The following NTM variants were observed in gnomAD, a reference collection of about 807,000 sequenced individuals.
The protein encoded by NTM is IgLON family member 2.
Under a neutral mutation model 42.1 loss-of-function variants are expected in NTM, and 13 were observed. That is an observed-to-expected ratio of 0.31 (90% CI 0.20 to 0.49). NTM has a LOEUF of 0.49. Ranked by LOEUF, NTM falls within the 20% of genes least tolerant of loss-of-function variation. NTM has a pLI of 0.99. For synonymous variants in NTM, 187 were observed against 179.2 expected (o/e 1.04, Z -0.35); for missense variants, 373 against 452.8 (o/e 0.82, Z 1.60).
chr11:131,753,580 A>T (rs1414736515), intron 1 of NTM, among the ~76,000 whole-genome samples: 6 of 145,208 alleles, frequency 4.1e-5, no homozygotes, highest in East Asian at 2.0e-4. Flanking sequence ...TGATGAGTTC[A>T]TGTCCTTTGT....
chr11:131,990,633 A>G (rs1455588314), intron 2 of NTM, among the ~76,000 whole-genome samples: 1 of 152,114 alleles, frequency 6.6e-6, no homozygotes, highest in South Asian at 2.1e-4. Context: ...CAAATCAGGA[A>G]TTAGTTCTGA....
chr11:131,672,915 G>A (rs112940156), intron 1 of NTM, among the ~76,000 whole-genome samples: 15 of 94,836 alleles, frequency 1.6e-4, no homozygotes, highest in Non-Finnish European at 2.2e-4. Context: ...GTGCCGGGGT[G>A]GGGGTGGGGT....
chr11:132,288,723 G>A (rs571230058), intron 4 of NTM, among the ~76,000 whole-genome samples: 2 of 152,172 alleles, frequency 1.3e-5, no homozygotes, highest in East Asian at 1.9e-4. Flanking sequence ...GGGTTCAAGC[G>A]ATTGTCCTGC....
intron 1 of NTM, among the ~76,000 whole-genome samples, chr11:131,878,661 C>T (rs1056326652): frequency 7.8e-6 from 1 of 128,354 alleles, no homozygotes; most frequent in African/African-American, 3.0e-5. Flanking sequence ...GTTCATACAG[C>T]ACTTTACAGC....
intron 4 of NTM, among the ~76,000 whole-genome samples, chr11:132,246,899 C>G (rs965313619): frequency 2.0e-5 from 3 of 152,236 alleles, no homozygotes; most frequent in Non-Finnish European, 2.9e-5. Context: ...TAGCCCCAGG[C>G]TCATTCCCTG....
intron 1 of NTM, among the ~76,000 whole-genome samples, chr11:131,403,941 A>G (rs954653078): frequency 1.3e-5 from 2 of 152,118 alleles, no homozygotes; most frequent in Non-Finnish European, 2.9e-5. Context: ...CCCCTCAAGG[A>G]TTTCAATCCT....
chr11:132,203,017 A>G (rs1377751908), intron 3 of NTM, among the ~76,000 whole-genome samples: 2 of 152,198 alleles, frequency 1.3e-5, no homozygotes, highest in Non-Finnish European at 2.9e-5. Context: ...TACATTTTCA[A>G]GCTCTCATTT....
chr11:131,656,887 C>T (rs1392984538), intron 1 of NTM, among the ~76,000 whole-genome samples: 1 of 152,108 alleles, frequency 6.6e-6, no homozygotes, highest in Non-Finnish European at 1.5e-5. Flanking sequence ...ACTTGAATTG[C>T]ACGTGGAATC....
At chr11:132,013,679 G>T (rs1160476754) in intron 2 of NTM, among the ~76,000 whole-genome samples, 1 of 152,048 alleles carries the variant, frequency 6.6e-6, no homozygotes, top group Non-Finnish European at 1.5e-5. Flanking sequence ...TATTAGCTTT[G>T]TTTAGGCATA....
At position 131,850,611 on chromosome 11, in the gene NTM, G is replaced by A. The variant is rs74829073; in HGVS notation, c.83-60953G>A. 2.9e-3 allele frequency among the ~76,000 whole-genome samples: 435 copies of A among 152,228 alleles called. 1 individual carries two copies. Among genetic ancestry groups the A allele is most frequent in the African/African-American group, 9.9e-3 (413 of 41,536 alleles). ...TAAAGAAAACTGAGAAACAAAAAAG[G>A]GATTAGCTGAATTTCCTTTGGGTAG... On this transcript the variant is annotated intron_variant, in intron 1 of 8. Transcript: ENST00000683400.
intron 3 of NTM, among the ~76,000 whole-genome samples, chr11:132,191,133 A>T (rs1490449067): frequency 6.6e-6 from 1 of 152,070 alleles, no homozygotes; most frequent in African/African-American, 2.4e-5. Context: ...GCAGCCCCCT[A>T]CCCCTGCACA....
At chr11:132,214,466 T>C (rs2138719826) in intron 4 of NTM, among the ~76,000 whole-genome samples, 1 of 152,228 alleles carries the variant, frequency 6.6e-6, no homozygotes, top group African/African-American at 2.4e-5. Context: ...CCTGCATGCG[T>C]CTCCTTTTTG....
At chr11:131,846,864 GA>G (rs2044973615) in intron 1 of NTM, among the ~76,000 whole-genome samples, 1 of 151,978 alleles carries the variant, frequency 6.6e-6, no homozygotes, top group Admixed American at 6.6e-5. Context: ...GTTATTTGAG[GA>G]AAAAAATAAA....
At chr11:132,237,874 C>G (rs1430709149) in intron 4 of NTM, among the ~76,000 whole-genome samples, 1 of 152,168 alleles carries the variant, frequency 6.6e-6, no homozygotes, top group South Asian at 2.1e-4. Context: ...TGAATTCTGT[C>G]GGCAGCCCAA....
intron 1 of NTM, among the ~76,000 whole-genome samples, chr11:131,880,268 C>T (rs2049259657): frequency 1.3e-5 from 2 of 152,208 alleles, no homozygotes; most frequent in East Asian, 3.9e-4. Context: ...GCAGCCCTTG[C>T]TGGTGCTGGC....
intron 1 of NTM, among the ~76,000 whole-genome samples, chr11:131,396,381 G>T (rs941361291): frequency 1.3e-5 from 2 of 152,072 alleles, no homozygotes; most frequent in Non-Finnish European, 2.9e-5. Context: ...ACTTTCCTAC[G>T]CACAGCTTGA....
chr11:131,441,626 G>A (rs904395890), intron 1 of NTM, among the ~76,000 whole-genome samples: 5 of 152,234 alleles, frequency 3.3e-5, no homozygotes, highest in Admixed American at 1.3e-4. Context: ...GATATATCTC[G>A]TGTCAGGTAT....
In NTM at chr11:132,033,004, C is replaced by A. The variant is rs541936810; in HGVS notation, c.168-113278C>A. On this transcript the variant is annotated intron_variant, in intron 2 of 8. Transcript: ENST00000683400. The stretch of plus-strand genomic sequence containing the variant: ...AAAGGATTAATTTGGATTAATGAAC[C>A]CAACCAAAGGTAAGTAAAGGCTCAG... Among the ~76,000 whole-genome samples the A allele has an allele frequency of 2.0e-5, 3 of 152,252 alleles. No homozygotes were observed. In the East Asian group the frequency reaches 5.8e-4, roughly 29 times the overall value.
At chr11:131,774,741 A>C (rs2086692221) in intron 1 of NTM, among the ~76,000 whole-genome samples, 1 of 152,194 alleles carries the variant, frequency 6.6e-6, no homozygotes, top group African/African-American at 2.4e-5. Context: ...GGTGAAGATA[A>C]TCTGCCTCAG....
Sources: allele counts gnomAD v4.1 joint callset (sites outside exome capture counted in the v4.1 genomes callset), GRCh38; gene constraint gnomAD v4.1.1; transcripts MANE v1.5; gene names NCBI Gene and HGNC (gene_info 2026-07-23, HGNC 2026-07-21).